Variants in SESTD1 observed in about 807,000 individuals in gnomAD.
The protein encoded by SESTD1 is SEC14 domain and spectrin repeat-containing protein 1.
SESTD1 carries 43 observed loss-of-function variants against 101.7 expected under a neutral mutation model. The observed-to-expected ratio is 0.42, with a 90% CI of 0.33 to 0.55. SESTD1 has a LOEUF of 0.55. Ranked by LOEUF, SESTD1 falls within the 20% of genes least tolerant of loss-of-function variation. The pLI is 0.07. For missense variants in SESTD1, 647 were observed against 815.1 expected (o/e 0.79, Z 2.51); for synonymous variants, 283 against 286.8 (o/e 0.99, Z 0.13).
At chr2:179,236,170 C>T (rs1326811247) in intron 1 of SESTD1, among the ~76,000 whole-genome samples, 1 of 136,484 alleles carries the variant, frequency 7.3e-6, no homozygotes, top group African/African-American at 2.8e-5. Flanking sequence ...TTAATATGAA[C>T]TCAAATAGCG....
At chr2:179,141,117 G>A (rs2045266819) in intron 9 of SESTD1, among the ~76,000 whole-genome samples, 1 of 152,168 alleles carries the variant, frequency 6.6e-6, no homozygotes, top group Non-Finnish European at 1.5e-5. Context: ...AGACTTCGAA[G>A]TCTGGACCTG....
intron 10 of SESTD1, among the ~76,000 whole-genome samples, chr2:179,126,166 T>C (rs2044868907): frequency 6.6e-6 from 1 of 152,228 alleles, no homozygotes; most frequent in Non-Finnish European, 1.5e-5. Context: ...TTAAAGGAGT[T>C]CTCTGTATTT....
At chr2:179,135,035 C>T (rs929774833) in intron 9 of SESTD1, among the ~76,000 whole-genome samples, 2 of 152,116 alleles carry the variant, frequency 1.3e-5, no homozygotes, top group African/African-American at 2.4e-5. Context: ...ACCTCTGCCT[C>T]CCAGGTTCAA....
At chr2:179,129,183 G>A (rs1310673756) in intron 10 of SESTD1, among the ~76,000 whole-genome samples, 1 of 152,198 alleles carries the variant, frequency 6.6e-6, no homozygotes, top group African/African-American at 2.4e-5. Flanking sequence ...TTTCTTTGTA[G>A]ACCAGAACTC....
chr2:179,109,479 C>T lies in SESTD1; in HGVS notation c.*420G>A. 2.7e-6 allele frequency: 1 copy of T among 376,476 alleles called. No homozygotes were observed. Among genetic ancestry groups the T allele is most frequent in the Non-Finnish European group, 4.7e-6 (1 of 212,286 alleles). 23.3% of individuals were successfully genotyped at this position (376,476 alleles called of 1,614,324 possible). ...ATTACAAAGTAAAATTTTGAGGACACCACTGTCTACTAACAAGAGTTTAAC... is the reference window on the plus strand; with the variant it reads ...ATTACAAAGTAAAATTTTGAGGACATCACTGTCTACTAACAAGAGTTTAAC... On this transcript the variant is annotated 3_prime_UTR_variant, in exon 18 of 18. Transcript: ENST00000428443.
intron 9 of SESTD1, among the ~76,000 whole-genome samples, chr2:179,141,555 C>T (rs570087965): frequency 1.3e-5 from 2 of 151,420 alleles, no homozygotes; most frequent in Admixed American, 6.6e-5. Context: ...TAATAGAAGA[C>T]TCATTATGTG....
At chr2:179,240,854 T>C (rs1452463173) in intron 1 of SESTD1, among the ~76,000 whole-genome samples, 2 of 152,190 alleles carry the variant, frequency 1.3e-5, no homozygotes, top group African/African-American at 4.8e-5. Flanking sequence ...CCCATCCCTG[T>C]TGTGTGAGTG....
chr2:179,163,099 T>C (rs994409239), intron 5 of SESTD1, among the ~76,000 whole-genome samples: 9 of 152,318 alleles, frequency 5.9e-5, no homozygotes, highest in African/African-American at 1.7e-4. Flanking sequence ...TATGGATCTA[T>C]AGAACAATAA....
rs552834500 is a variant in SESTD1 at position 179,102,607 on chromosome 2, T to A, written c.*7292A>T. 2.6e-5 allele frequency: 4 copies of A among 152,198 alleles called. No homozygotes were observed. The South Asian group carries it at 8.3e-4, about 32-fold the overall frequency. 9.4% of individuals were successfully genotyped at this position (152,198 alleles called of 1,614,324 possible). ...AAGCCAAATTTCCCAGCCCTTAAAA[T>A]TTTAATAGGAAAAATCGAATAAACC... On this transcript the variant is annotated 3_prime_UTR_variant, in exon 18 of 18. Transcript: ENST00000428443.
chr2:179,174,024 T>C (rs1460698292), intron 4 of SESTD1, among the ~76,000 whole-genome samples: 2 of 152,278 alleles, frequency 1.3e-5, no homozygotes, highest in East Asian at 3.9e-4. Flanking sequence ...CTAAGGTAAG[T>C]AAAATAAATT....
At chr2:179,132,714 A>G (rs1263295256) in intron 9 of SESTD1, among the ~76,000 whole-genome samples, 1 of 152,248 alleles carries the variant, frequency 6.6e-6, no homozygotes, top group Non-Finnish European at 1.5e-5. Context: ...AAAGAGGATT[A>G]AAAATTAACT....
rs980346144 is a variant in SESTD1, at chr2:179,203,348, C to A, written c.-25-11482G>T. Among the ~76,000 whole-genome samples the A allele has an allele frequency of 3.0e-5, 4 of 133,974 alleles. 1 individual carries two copies. Among genetic ancestry groups the A allele is most frequent in the African/African-American group, 1.2e-4 (4 of 33,740 alleles). The allele number at this position is 133,974 out of a possible 152,430, so 87.9% of individuals were successfully genotyped here. On this transcript the variant is annotated intron_variant, in intron 1 of 17. Coordinates refer to ENST00000428443, the MANE Select transcript of SESTD1 (RefSeq NM_178123.5). ...TAAATCCCTTTAAAAACTGCAAAGCCGGCCCCAGGCAGTACCACCCATGAC... is the reference window on the plus strand; with the variant it reads ...TAAATCCCTTTAAAAACTGCAAAGCAGGCCCCAGGCAGTACCACCCATGAC...
chr2:179,193,098 A>G (rs1258106290), intron 1 of SESTD1, among the ~76,000 whole-genome samples: 1 of 152,124 alleles, frequency 6.6e-6, no homozygotes, highest in East Asian at 1.9e-4. Context: ...GCCCTGCTCT[A>G]GGGGGTGGGA....
intron 1 of SESTD1, among the ~76,000 whole-genome samples, chr2:179,228,592 G>A (rs951442592): frequency 2.0e-5 from 3 of 152,070 alleles, no homozygotes; most frequent in African/African-American, 7.2e-5. Flanking sequence ...GGCATTATAC[G>A]GACACACTAA....
At chr2:179,122,484 G>A (rs980013770) in intron 12 of SESTD1, among the ~76,000 whole-genome samples, 1 of 151,976 alleles carries the variant, frequency 6.6e-6, no homozygotes, top group African/African-American at 2.4e-5. Context: ...CATGTGTAAA[G>A]GAACTTTTTT....
intron 7 of SESTD1, among the ~76,000 whole-genome samples, chr2:179,147,607 G>A (rs974126477): frequency 3.3e-5 from 5 of 152,128 alleles, no homozygotes; most frequent in East Asian, 3.9e-4. Flanking sequence ...TGATCCACCC[G>A]CCTTGTCCTC....
At chr2:179,195,912 T>C (rs886769010) in intron 1 of SESTD1, among the ~76,000 whole-genome samples, 1 of 149,804 alleles carries the variant, frequency 6.7e-6, no homozygotes, top group East Asian at 2.0e-4. Context: ...TGTCCTAAAA[T>C]AGAATAACTG....
chr2:179,114,920 A>C, intron 16 of SESTD1, 145 bp downstream of exon 16: 1 of 714,768 alleles, frequency 1.4e-6, no homozygotes, highest in Middle Eastern at 4.1e-4. Context: ...AAGGCAATGT[A>C]TTATATCTAA....
chr2:179,106,889 C>G lies in SESTD1; in HGVS notation c.*3010G>C, dbSNP rs2044394947. On this transcript the variant is annotated 3_prime_UTR_variant, in exon 18 of 18. Transcript: ENST00000428443. The stretch of plus-strand genomic sequence containing the variant: ...TTAGACATGTGCGAAGAACAGATGC[C>G]AAACTGCCATTATATATTAAGCTTA... 1 of 151,314 alleles carries G rather than the reference C, an allele frequency of 6.6e-6. No homozygotes were observed. Among genetic ancestry groups the G allele is most frequent in the Non-Finnish European group, 1.5e-5 (1 of 67,846 alleles). 9.4% of individuals were successfully genotyped at this position (151,314 alleles called of 1,614,324 possible). A position where few individuals can be genotyped will look rare whatever the true frequency, so the allele number is the denominator to read the frequency against.
Sources: gnomAD v4.1 joint callset for allele counts (sites outside exome capture counted in the v4.1 genomes callset) on GRCh38, gnomAD v4.1.1 for gene constraint, MANE v1.5 for transcripts, NCBI Gene and HGNC (gene_info 2026-07-23, HGNC 2026-07-21) for gene names.